GPC5: variants seen among roughly 807,000 people sequenced by gnomAD.
The protein encoded by GPC5 is glypican-5.
Under a neutral mutation model 53.9 loss-of-function variants are expected in GPC5, and 47 were observed. The observed-to-expected ratio is 0.87, with a 90% CI of 0.69 to 1.11. The LOEUF (loss-of-function observed/expected upper bound fraction) is 1.11. GPC5 is among the 50% of genes most tolerant of loss of function. The probability of loss-of-function intolerance (pLI) is 0.00; values close to 1 mark genes in which losing one functional copy is unlikely to be tolerated. For synonymous variants in GPC5, 286 were observed against 263.3 expected (o/e 1.09, Z -0.84); for missense variants, 748 against 713.1 (o/e 1.05, Z -0.56).
chr13:91,444,287 A>G (rs1880633978), intron 1 of GPC5, among the ~76,000 whole-genome samples: 1 of 151,816 alleles, frequency 6.6e-6, no homozygotes, highest in Non-Finnish European at 1.5e-5. Context: ...TTGTTCTTTC[A>G]TGTTTTGTGT....
intron 7 of GPC5, among the ~76,000 whole-genome samples, chr13:92,385,708 T>C (rs1162230527): frequency 3.6e-5 from 5 of 139,514 alleles, no homozygotes; most frequent in Non-Finnish European, 3.0e-5. Flanking sequence ...TACACATATA[T>C]ACACATATAT....
chr13:92,569,067 TCCCTCCC>T (rs1293085973), intron 7 of GPC5, among the ~76,000 whole-genome samples: 93 of 107,928 alleles, frequency 8.6e-4, no homozygotes, highest in African/African-American at 3.2e-3. Flanking sequence ...CCTAATGCTA[TCCCTCCC>T]CCCTCCCCCC....
intron 7 of GPC5, among the ~76,000 whole-genome samples, chr13:92,559,008 C>T (rs1267609973): frequency 6.6e-6 from 1 of 151,864 alleles, no homozygotes; most frequent in African/African-American, 2.4e-5. Context: ...AACAGTATTC[C>T]GGTCCATTGG....
intron 7 of GPC5, among the ~76,000 whole-genome samples, chr13:92,303,769 G>A (rs1284509031): frequency 6.6e-6 from 1 of 152,238 alleles, no homozygotes; most frequent in South Asian, 2.1e-4. Flanking sequence ...CTCATACAGT[G>A]TTTGATATAT....
intron 7 of GPC5, among the ~76,000 whole-genome samples, chr13:92,430,860 C>A (rs1315139236): frequency 1.3e-5 from 2 of 152,000 alleles, no homozygotes; most frequent in Admixed American, 6.6e-5. Flanking sequence ...CATAGATAAA[C>A]AAATGTAAAG....
At chr13:91,966,683 T>C (rs919753768) in intron 6 of GPC5, among the ~76,000 whole-genome samples, 2 of 152,204 alleles carry the variant, frequency 1.3e-5, no homozygotes, top group Non-Finnish European at 2.9e-5. Flanking sequence ...TTAGTTACCT[T>C]AAGTAGATAT....
At chr13:91,551,882 G>A (rs982932326) in intron 2 of GPC5, among the ~76,000 whole-genome samples, 3 of 152,016 alleles carry the variant, frequency 2.0e-5, no homozygotes, top group African/African-American at 4.8e-5. Context: ...TGTTTATATT[G>A]AGGCAGGCTA....
At chr13:91,579,785 C>T (rs559573561) in intron 2 of GPC5, among the ~76,000 whole-genome samples, 22 of 151,564 alleles carry the variant, frequency 1.5e-4, no homozygotes, top group Admixed American at 8.5e-4. Flanking sequence ...CCTGCCACTA[C>T]GCCCAGCTTT....
At chr13:92,131,730 G>A (rs2041745155) in intron 6 of GPC5, among the ~76,000 whole-genome samples, 1 of 151,896 alleles carries the variant, frequency 6.6e-6, no homozygotes, top group South Asian at 2.1e-4. Context: ...GGTTTATGGG[G>A]TATTTCTAAG....
rs1884400840 is a variant in GPC5, at chr13:92,610,569, C to A, written c.1562-255713C>A. On this transcript the variant is annotated intron_variant, in intron 7 of 7. Coordinates refer to ENST00000377067, the MANE Select transcript of GPC5 (RefSeq NM_004466.6). ...AATCTAGGAACAGCATTCAGCATTT[C>A]TGAAAGGAAAAATTAAGATTAATCT... Among the ~76,000 whole-genome samples, 4 of 152,142 alleles carry A rather than the reference C, an allele frequency of 2.6e-5. No homozygotes were observed. In the South Asian group the frequency reaches 8.3e-4, roughly 31 times the overall value.
intron 7 of GPC5, among the ~76,000 whole-genome samples, chr13:92,256,253 C>A (rs189678197): frequency 6.6e-6 from 1 of 151,720 alleles, no homozygotes; most frequent in Non-Finnish European, 1.5e-5. Flanking sequence ...AATTGGATGT[C>A]GAATGTCCAC....
chr13:91,738,710 G>A (rs1341202664), intron 4 of GPC5, among the ~76,000 whole-genome samples: 1 of 151,044 alleles, frequency 6.6e-6, no homozygotes, highest in African/African-American at 2.5e-5. Context: ...ATCACAATAT[G>A]CATTTTTAAT....
rs9301749 is a variant in GPC5 at position 91,688,169 on chromosome 13, C to G, written c.326-5018C>G. On this transcript the variant is annotated intron_variant, in intron 2 of 7. Coordinates refer to ENST00000377067, the MANE Select transcript of GPC5 (RefSeq NM_004466.6). The stretch of plus-strand genomic sequence containing the variant: ...ATTCAAAGTTAACACAAACAAGTAG[C>G]TAGAGTAAATTCAATTTCTGATTTT... 5.3e-3 allele frequency among the ~76,000 whole-genome samples: 805 copies of G among 152,084 alleles called. 12 individuals are homozygous for G. Among genetic ancestry groups the G allele is most frequent in the South Asian group, 0.035 (169 of 4,816 alleles).
In GPC5 at chr13:91,494,961, A is replaced by C. The variant is rs369409199; in HGVS notation, c.325+46039A>C. 7.6e-4 allele frequency among the ~76,000 whole-genome samples: 115 copies of C among 152,212 alleles called. 1 individual carries two copies. The South Asian group carries it at 0.021, about 28-fold the overall frequency. On this transcript the variant is annotated intron_variant, in intron 2 of 7. Coordinates refer to ENST00000377067, the MANE Select transcript of GPC5 (RefSeq NM_004466.6). Reference sequence around the variant, plus strand: ...ATCAGAACTGCTATCTTCATCCCAGACCTCTATTCTGAACTGCTGACTAAT... The same window carrying C: ...ATCAGAACTGCTATCTTCATCCCAGCCCTCTATTCTGAACTGCTGACTAAT...
At chr13:91,446,835 C>T (rs1375309888) in intron 1 of GPC5, among the ~76,000 whole-genome samples, 1 of 152,196 alleles carries the variant, frequency 6.6e-6, no homozygotes, top group Non-Finnish European at 1.5e-5. Flanking sequence ...ATAGGCGATA[C>T]TGATGGAAAT....
At chr13:92,621,040 G>A (rs2139114640) in intron 7 of GPC5, among the ~76,000 whole-genome samples, 1 of 152,282 alleles carries the variant, frequency 6.6e-6, no homozygotes. Flanking sequence ...TTGAGTCTGG[G>A]AAACCTACAG....
intron 3 of GPC5, among the ~76,000 whole-genome samples, chr13:91,700,727 CT>C (rs1444312611): frequency 6.6e-6 from 1 of 152,140 alleles, no homozygotes; most frequent in African/African-American, 2.4e-5. Flanking sequence ...CCATTTAATT[CT>C]AAATGTAAAA....
At chr13:92,519,401 A>G (rs529949612) in intron 7 of GPC5, among the ~76,000 whole-genome samples, 1 of 152,372 alleles carries the variant, frequency 6.6e-6, no homozygotes, top group Non-Finnish European at 1.5e-5. Flanking sequence ...CAGCAAATGT[A>G]AAAGAACAGA....
At chr13:92,048,819 A>G (rs1021102761) in intron 6 of GPC5, among the ~76,000 whole-genome samples, 1 of 152,210 alleles carries the variant, frequency 6.6e-6, no homozygotes, top group Non-Finnish European at 1.5e-5. Flanking sequence ...AAGTTGACCA[A>G]TGGCTTGTTT....
Sources: allele counts gnomAD v4.1 joint callset (sites outside exome capture counted in the v4.1 genomes callset), GRCh38; gene constraint gnomAD v4.1.1; transcripts MANE v1.5; gene names NCBI Gene and HGNC (gene_info 2026-07-23, HGNC 2026-07-21).